The following SLC24A3 variants were observed in gnomAD, a reference collection of about 807,000 sequenced individuals.
The protein encoded by SLC24A3 is solute carrier family 24 member 3, also known as sodium/potassium/calcium exchanger 3.
A neutral mutation model predicts 75.8 loss-of-function variants in SLC24A3; 28 were observed. The observed-to-expected ratio is 0.37, with a 90% CI of 0.27 to 0.51. The LOEUF is 0.51. Among genes scored for constraint, SLC24A3 ranks in the 20% least tolerant of loss-of-function variants. The pLI is 0.94. For missense variants in SLC24A3, 663 were observed against 847.8 expected (o/e 0.78, Z 2.71); for synonymous variants, 372 against 334.1 (o/e 1.11, Z -1.24).
chr20:19,717,457 C>T, intron 15 of SLC24A3, 71 bp from the exon 16 acceptor site: 1 of 1,522,822 alleles, frequency 6.6e-7, no homozygotes. Flanking sequence ...TAGGCAGATG[C>T]CTTTTCCAAA....
At chr20:19,609,862 G>C (rs1971930748) in intron 6 of SLC24A3, among the ~76,000 whole-genome samples, 1 of 152,194 alleles carries the variant, frequency 6.6e-6, no homozygotes, top group Non-Finnish European at 1.5e-5. Flanking sequence ...GGAGCTGTGT[G>C]CCTGTGAGTC....
intron 7 of SLC24A3, among the ~76,000 whole-genome samples, chr20:19,663,429 TCCTCCGCCTTCTCATCCTCCTCCA>T (rs2032356894): frequency 1.5e-5 from 1 of 66,338 alleles, no homozygotes; most frequent in African/African-American, 9.2e-5. Flanking sequence ...CTCCTCCTCC[TCCTCCGCCTTCTCATCCTCCTCCA>T]CTTCCTCCTC....
rs1264907882 is a variant in SLC24A3, at chr20:19,567,344, T to TA, written c.349-12650dup. Among the ~76,000 whole-genome samples, 9 of 152,134 alleles carry TA rather than the reference T, an allele frequency of 5.9e-5. 1 individual carries two copies. In the East Asian group the frequency reaches 1.7e-3, roughly 29 times the overall value. On this transcript the variant is annotated intron_variant, in intron 3 of 16. Transcript: ENST00000328041. Reference sequence around the variant, plus strand: ...TACACGATGGAATTCTACACAGCCATAAAAAAGAATGAGGTCATGTCCTTT... The same window carrying TA: ...TACACGATGGAATTCTACACAGCCATAAAAAAAGAATGAGGTCATGTCCTTT...
intron 2 of SLC24A3, among the ~76,000 whole-genome samples, chr20:19,329,730 C>T (rs1376636360): frequency 1.3e-5 from 2 of 152,174 alleles, no homozygotes; most frequent in Admixed American, 1.3e-4. Flanking sequence ...TATTTTTCCC[C>T]CTTCATAGCT....
chr20:19,438,751 T>C (rs1353257754), intron 2 of SLC24A3, among the ~76,000 whole-genome samples: 1 of 151,654 alleles, frequency 6.6e-6, no homozygotes, highest in East Asian at 1.9e-4. Context: ...CACCCTGACA[T>C]GGCAGGTAGT....
chr20:19,372,724 G>T (rs886574842), intron 2 of SLC24A3, among the ~76,000 whole-genome samples: 1 of 152,156 alleles, frequency 6.6e-6, no homozygotes, highest in Non-Finnish European at 1.5e-5. Flanking sequence ...TATGAAGAGT[G>T]ATGGAGCGGG....
intron 6 of SLC24A3, among the ~76,000 whole-genome samples, chr20:19,602,487 G>A (rs1018206226): frequency 6.6e-6 from 1 of 152,084 alleles, no homozygotes; most frequent in Non-Finnish European, 1.5e-5. Flanking sequence ...CAGATGCCTG[G>A]ACCTCTTCTT....
intron 6 of SLC24A3, among the ~76,000 whole-genome samples, chr20:19,644,429 C>T (rs1450368323): frequency 6.6e-6 from 1 of 152,142 alleles, no homozygotes; most frequent in Non-Finnish European, 1.5e-5. Context: ...GCTTTTCTAA[C>T]CAGCTCCCCG....
At chr20:19,400,875 A>G (rs1362560021) in intron 2 of SLC24A3, among the ~76,000 whole-genome samples, 2 of 152,068 alleles carry the variant, frequency 1.3e-5, no homozygotes, top group African/African-American at 4.8e-5. Flanking sequence ...ACTGTTTTAT[A>G]TATTTTGCTT....
chr20:19,320,144 G>A (rs1984674871), intron 2 of SLC24A3, among the ~76,000 whole-genome samples: 1 of 152,212 alleles, frequency 6.6e-6, no homozygotes, highest in Admixed American at 6.5e-5. Context: ...CTGAAGACGC[G>A]CCAATGTCCC....
At chr20:19,605,480 C>G (rs548928320) in intron 6 of SLC24A3, among the ~76,000 whole-genome samples, 2 of 152,334 alleles carry the variant, frequency 1.3e-5, no homozygotes, top group African/African-American at 4.8e-5. Flanking sequence ...GTTTCTGAAG[C>G]TGAAGTCAAC....
chr20:19,678,658 C>A (rs1190948775), intron 9 of SLC24A3, among the ~76,000 whole-genome samples: 1 of 149,208 alleles, frequency 6.7e-6, no homozygotes, highest in East Asian at 2.0e-4. Context: ...CTCCACCTCC[C>A]TCCCGGACAC....
chr20:19,619,898 T>C (rs375167132), intron 6 of SLC24A3, among the ~76,000 whole-genome samples: 2 of 152,170 alleles, frequency 1.3e-5, no homozygotes, highest in South Asian at 4.1e-4. Flanking sequence ...AGGGAAAATC[T>C]TGGCTGAGGG....
chr20:19,346,103 ATATATGGTGTGTGTGTGTGTG>A, intron 2 of SLC24A3, among the ~76,000 whole-genome samples: 2 of 69,438 alleles, frequency 2.9e-5, no homozygotes, highest in Admixed American at 1.7e-4. Flanking sequence ...ATATATATAT[ATATATGGTGTGTGTGTGTGTG>A]TATATATATA....
At chr20:19,469,513 G>A (rs113633174) in intron 2 of SLC24A3, among the ~76,000 whole-genome samples, 24 of 152,244 alleles carry the variant, frequency 1.6e-4, no homozygotes, top group African/African-American at 5.5e-4. Context: ...AGCACTCCAC[G>A]TAGCTGCATC....
intron 2 of SLC24A3, among the ~76,000 whole-genome samples, chr20:19,388,878 T>C (rs1285933136): frequency 6.6e-6 from 1 of 152,216 alleles, no homozygotes; most frequent in Non-Finnish European, 1.5e-5. Flanking sequence ...TAAAGTACTA[T>C]CATTTTAAAA....
chr20:19,476,592 A>G (rs1400209114), intron 2 of SLC24A3, among the ~76,000 whole-genome samples: 1 of 152,250 alleles, frequency 6.6e-6, no homozygotes, highest in Non-Finnish European at 1.5e-5. Flanking sequence ...TAGGAGAAAA[A>G]TCTTGGCAAA....
chr20:19,561,147 T>C (rs138614382), intron 3 of SLC24A3, among the ~76,000 whole-genome samples: 1 of 152,282 alleles, frequency 6.6e-6, no homozygotes, highest in East Asian at 1.9e-4. Flanking sequence ...GAGAATCTTA[T>C]CATGACAAAT....
intron 1 of SLC24A3, chr20:19,261,872 C>T (rs966080639): frequency 5.3e-5 from 8 of 152,228 alleles, no homozygotes; most frequent in African/African-American, 1.9e-4. Context: ...TGAGGCTTCA[C>T]ACTGTCAAAA....
Sources: gnomAD v4.1 joint callset for allele counts (sites outside exome capture counted in the v4.1 genomes callset) on GRCh38, gnomAD v4.1.1 for gene constraint, MANE v1.5 for transcripts, NCBI Gene and HGNC (gene_info 2026-07-23, HGNC 2026-07-21) for gene names.